Variants in ARHGAP22 observed in about 807,000 individuals in gnomAD.
ARHGAP22 encodes the protein rho GTPase-activating protein 22.
In ARHGAP22, 48 loss-of-function variants were observed where a neutral mutation model predicts 59.1. The ratio of observed to expected loss-of-function variants is 0.81; its 90% CI spans 0.64 to 1.03. The LOEUF (loss-of-function observed/expected upper bound fraction) is 1.03. Among genes scored for constraint, ARHGAP22 ranks in the 50% least tolerant of loss-of-function variants. The pLI is 0.00. For missense variants in ARHGAP22, 1,015 were observed against 958.7 expected (o/e 1.06, Z -0.78); for synonymous variants, 445 against 416.4 (o/e 1.07, Z -0.84).
chr10:48,616,106 A>G (rs2061070237), intron 1 of ARHGAP22, among the ~76,000 whole-genome samples: 7 of 152,160 alleles, frequency 4.6e-5, no homozygotes, highest in Admixed American at 4.6e-4. Context: ...TAAGTTAAAA[A>G]TCTGTGGCAA....
At chr10:48,527,413 A>C (rs1345853978) in intron 3 of ARHGAP22, among the ~76,000 whole-genome samples, 1 of 151,640 alleles carries the variant, frequency 6.6e-6, no homozygotes, top group African/African-American at 2.4e-5. Flanking sequence ...AGATGAATAG[A>C]TGAATGGATG....
At chr10:48,581,287 A>G (rs2059103918) in intron 2 of ARHGAP22, among the ~76,000 whole-genome samples, 1 of 152,246 alleles carries the variant, frequency 6.6e-6, no homozygotes. Flanking sequence ...CGTTTGCTAT[A>G]AAACCCTCCT....
At chr10:48,592,615 A>T (rs903387310) in intron 1 of ARHGAP22, among the ~76,000 whole-genome samples, 1 of 151,992 alleles carries the variant, frequency 6.6e-6, no homozygotes. Context: ...CTTGGCCCCC[A>T]TGTCTGTCTA....
upstream of ARHGAP22, among the ~76,000 whole-genome samples, chr10:48,655,045 T>C: frequency 1.6e-5 from 1 of 61,454 alleles, no homozygotes; most frequent in African/African-American, 6.5e-5. Flanking sequence ...TTTCTTTCTT[T>C]CTTTCTTTCT....
intron 3 of ARHGAP22, among the ~76,000 whole-genome samples, chr10:48,487,488 AAG>A (rs1223577655): frequency 6.6e-6 from 1 of 152,162 alleles, no homozygotes; most frequent in East Asian, 1.9e-4. Flanking sequence ...AGAGGAGTGT[AAG>A]AGAGAGATGT....
chr10:48,529,373 A>G (rs2054614570), intron 3 of ARHGAP22, among the ~76,000 whole-genome samples: 1 of 152,184 alleles, frequency 6.6e-6, no homozygotes, highest in South Asian at 2.1e-4. Flanking sequence ...AGGCTGCCCT[A>G]TGAGCTGCTT....
intron 1 of ARHGAP22, among the ~76,000 whole-genome samples, chr10:48,590,408 A>G (rs1449152933): frequency 6.6e-6 from 1 of 151,984 alleles, no homozygotes; most frequent in African/African-American, 2.4e-5. Flanking sequence ...AGATGGCAAG[A>G]CACTGTCCTC....
chr10:48,455,710 C>CA (rs550088579), intron 5 of ARHGAP22, among the ~76,000 whole-genome samples: 104 of 152,332 alleles, frequency 6.8e-4, no homozygotes, highest in Non-Finnish European at 1.2e-3. Context: ...TAGGTGCTGC[C>CA]AACCCCCAGC....
chr10:48,614,148 G>A (rs1184004385), intron 1 of ARHGAP22, among the ~76,000 whole-genome samples: 1 of 152,226 alleles, frequency 6.6e-6, no homozygotes, highest in Admixed American at 6.5e-5. Flanking sequence ...GACTAAAATA[G>A]GGAGCTAATC....
rs1044546838 is a variant in ARHGAP22, at chr10:48,563,535, T to C, written c.235-7985A>G. 5.1e-4 allele frequency among the ~76,000 whole-genome samples: 78 copies of C among 152,314 alleles called. 1 individual carries two copies. The highest frequency in any genetic ancestry group is 1.2e-3 in the Admixed American group (18 of 15,296). The stretch of plus-strand genomic sequence containing the variant: ...AGGTCAGATGGTTAGCAACCTTAAT[T>C]CTATCTGCCACCTTAATTAAATGCT... On this transcript the variant is annotated intron_variant, in intron 2 of 9. Transcript: ENST00000249601.
intron 8 of ARHGAP22, chr10:48,451,515 A>C (rs2045948511): frequency 1.4e-6 from 1 of 702,282 alleles, no homozygotes; most frequent in South Asian, 1.5e-5. Flanking sequence ...CGGCTGCCCC[A>C]CGTCACCCCT....
chr10:48,523,763 G>A (rs2054049678), intron 3 of ARHGAP22, among the ~76,000 whole-genome samples: 1 of 151,804 alleles, frequency 6.6e-6, no homozygotes, highest in Admixed American at 6.5e-5. Context: ...GGGCCCTGGA[G>A]GGCGGACCCT....
At chr10:48,550,360 G>T (rs1235593061) in intron 3 of ARHGAP22, among the ~76,000 whole-genome samples, 1 of 152,168 alleles carries the variant, frequency 6.6e-6, no homozygotes, top group Non-Finnish European at 1.5e-5. Context: ...TTACTCCAAG[G>T]TAACAGATCA....
chr10:48,538,357 A>C (rs777388984), intron 3 of ARHGAP22, among the ~76,000 whole-genome samples: 2 of 152,140 alleles, frequency 1.3e-5, no homozygotes, highest in Non-Finnish European at 2.9e-5. Flanking sequence ...CTCTTAGCTC[A>C]TTGCATCTGC....
At chr10:48,599,723 C>T (rs1045460669) in intron 1 of ARHGAP22, among the ~76,000 whole-genome samples, 4 of 152,344 alleles carry the variant, frequency 2.6e-5, no homozygotes, top group African/African-American at 9.6e-5. Flanking sequence ...GTTCCCCCTC[C>T]CCTTTCCCAC....
intron 4 of ARHGAP22, among the ~76,000 whole-genome samples, chr10:48,470,244 TAA>T (rs1364754385): frequency 3.3e-5 from 5 of 152,300 alleles, no homozygotes; most frequent in Admixed American, 2.0e-4. Flanking sequence ...GCAAGGTGGT[TAA>T]AAGAGTGTTG....
intron 1 of ARHGAP22, among the ~76,000 whole-genome samples, chr10:48,643,762 A>ATATATATATATATATATATATAT (rs1331684009): frequency 6.9e-6 from 1 of 144,220 alleles, no homozygotes; most frequent in African/African-American, 2.6e-5. Context: ...TAAAAAAAAA[A>ATATATATATATATATATATATAT]AAATATATAT....
chr10:48,499,104 C>G (rs1018118247), intron 3 of ARHGAP22, among the ~76,000 whole-genome samples: 3 of 152,196 alleles, frequency 2.0e-5, no homozygotes, highest in African/African-American at 7.2e-5. Flanking sequence ...GGTGAAGGGG[C>G]AGGGGGAGGC....
intron 3 of ARHGAP22, among the ~76,000 whole-genome samples, chr10:48,521,605 C>A (rs1265326605): frequency 6.6e-6 from 1 of 152,200 alleles, no homozygotes; most frequent in Non-Finnish European, 1.5e-5. Context: ...GACTCTCTTT[C>A]AAGCTTTTCT....
Sources: allele counts gnomAD v4.1 joint callset (sites outside exome capture counted in the v4.1 genomes callset), GRCh38; gene constraint gnomAD v4.1.1; transcripts MANE v1.5; gene names NCBI Gene and HGNC (gene_info 2026-07-23, HGNC 2026-07-21).